Variants in ZC3H11A observed in about 807,000 individuals in gnomAD.
ZC3H11A encodes zinc finger CCCH domain-containing protein 11A.
A neutral mutation model predicts 90.8 loss-of-function variants in ZC3H11A; 22 were observed. The ratio of observed to expected loss-of-function variants is 0.24; its 90% CI spans 0.17 to 0.35. The LOEUF (loss-of-function observed/expected upper bound fraction) is 0.35, where lower values mean the gene tolerates loss of function less well. ZC3H11A is among the 10% of genes least tolerant of loss of function. The probability of loss-of-function intolerance (pLI) is 1.00; values close to 1 mark genes in which losing one functional copy is unlikely to be tolerated. For synonymous variants in ZC3H11A, 294 were observed against 339.8 expected (o/e 0.87, Z 1.48); for missense variants, 701 against 964.9 (o/e 0.73, Z 3.62).
rs561294240 is a variant in ZC3H11A, at chr1:203,814,349, C to G, written c.-145-2577C>G. 3.9e-5 allele frequency among the ~76,000 whole-genome samples: 6 copies of G among 152,282 alleles called. No individual in the cohort carries two copies. The East Asian group carries it at 9.6e-4, about 24-fold the overall frequency. On this transcript the variant is annotated intron_variant, in intron 2 of 17. Transcript: ENST00000367210. ...GACCAGCCTGGCCAACATGGCGAAA[C>G]CCTGTCTCTACTAAAAATACAAAAA...
chr1:203,809,175 T>TTG (rs1673431156), intron 2 of ZC3H11A, among the ~76,000 whole-genome samples: 1 of 136,368 alleles, frequency 7.3e-6, no homozygotes, highest in Non-Finnish European at 1.6e-5. Context: ...TCTCACTGTT[T>TTG]TTTTTTTTTT....
At chr1:203,799,829 G>C (rs1669971849) in intron 1 of ZC3H11A, 1 of 1,496,894 alleles carries the variant, frequency 6.7e-7, no homozygotes, top group Non-Finnish European at 9.0e-7. Context: ...TGGCTACTTT[G>C]TTAGATCCTT....
chr1:203,814,919 T>A (rs1675758863), intron 2 of ZC3H11A: 1 of 151,870 alleles, frequency 6.6e-6, no homozygotes, highest in Non-Finnish European at 1.5e-5. Flanking sequence ...AACCTCCACC[T>A]CCCGGGTTCA....
rs1304583379 is a variant in ZC3H11A at position 203,833,813 on chromosome 1, G to T, written c.834G>T (p.Leu278Phe). Residue 278 changes from leucine (L) to phenylalanine (F), a missense_variant, in exon 10 of 18, where the codon TTG becomes TTT. Physicochemically the swap from Leu to Phe is conservative, Grantham distance 22. Coordinates refer to ENST00000367210, the MANE Select transcript of ZC3H11A (RefSeq NM_001376342.1). ...CAGGAGAAGAACCCTTGGTTAGATT[G>T]AGTCTTACTGAGAGACTGGGGAAAC... ...TKQGEEPLVR[L>F]SLTERLGKRK... 1 of 1,609,384 alleles carries T rather than the reference G, an allele frequency of 6.2e-7. No homozygotes were observed. Among genetic ancestry groups the T allele is most frequent in the Non-Finnish European group, 8.5e-7 (1 of 1,178,418 alleles).
Position 203,831,755 on chromosome 1 carries a change from T to A in ZC3H11A, c.795T>A (p.Thr265=). 6.2e-7 allele frequency: 1 copy of A among 1,612,066 alleles called. No individual in the cohort carries two copies. ...ENVRTVVRTV[T]LSTKQGEEPL... ...TCAGGACTGTGGTGAGGACAGTAAC[T>A]CTCTCCACCAAACAAGGTAAGGTAT... The change falls in exon 9 of 18, where the codon ACT becomes ACA. Residue 265 remains threonine (T), a synonymous_variant. Transcript: ENST00000367210.
Position 203,830,129 on chromosome 1 carries a change from G to A in ZC3H11A, c.626G>A (p.Cys209Tyr). 6.3e-7 allele frequency: 1 copy of A among 1,592,064 alleles called. No individual in the cohort carries two copies. The highest frequency in any genetic ancestry group is 8.5e-7 in the Non-Finnish European group (1 of 1,172,804). Residue 209 changes from cysteine to tyrosine, a missense_variant, in exon 8 of 18, where the codon TGT (cysteine) becomes TAT (tyrosine). By Grantham distance (194) the Cys-to-Tyr change is radical (BLOSUM62 -2). Transcript: ENST00000367210. ...KPAVNIKQGE[C>Y]LNFGIKTLEE... is the part of the protein sequence containing the mutation. ...TTTCTATTTGAATTTTCAGGTGAAT[G>A]TTTGAATTTTGGAATAAAAACTCTT... is the stretch of plus-strand genomic sequence containing the variant.
rs926629558 is a variant in ZC3H11A at position 203,816,988 on chromosome 1, C to T, written c.-83C>T. On this transcript the variant is annotated 5_prime_UTR_variant, in exon 3 of 18. It adds an upstream start codon to the 5' untranslated region. Transcript: ENST00000367210. Reference sequence around the variant, plus strand: ...CATTTGGAAGATTAAACCCATTTCACGAGGACTTGGAGCCTGGTCCTTGCT... The same window carrying T: ...CATTTGGAAGATTAAACCCATTTCATGAGGACTTGGAGCCTGGTCCTTGCT... 4.7e-5 allele frequency: 44 copies of T among 926,830 alleles called. No individual in the cohort carries two copies. The highest frequency in any genetic ancestry group is 3.4e-4 in the Middle Eastern group (1 of 2,942). 57.4% of individuals were successfully genotyped at this position (926,830 alleles called of 1,614,324 possible).
intron 9 of ZC3H11A, among the ~76,000 whole-genome samples, chr1:203,833,140 C>A (rs879424445): frequency 6.6e-6 from 1 of 152,046 alleles, no homozygotes; most frequent in African/African-American, 2.4e-5. Context: ...GAGGCCGAGG[C>A]GGGCAGATCA....
intron 4 of ZC3H11A, among the ~76,000 whole-genome samples, chr1:203,823,838 T>G (rs1256173090): frequency 6.6e-6 from 1 of 152,218 alleles, no homozygotes; most frequent in East Asian, 1.9e-4. Flanking sequence ...AAAATAAGGT[T>G]TTACTACATT....
At chr1:203,834,206 C>T in intron 10 of ZC3H11A, 1 of 446,474 alleles carries the variant, frequency 2.2e-6, no homozygotes, top group Non-Finnish European at 3.0e-6. Flanking sequence ...TACAGGAATC[C>T]CTAAGAAGAA....
rs568338128 is a variant in ZC3H11A, at chr1:203,833,856, A to G, written c.874+3A>G. 1.4e-5 allele frequency: 22 copies of G among 1,608,642 alleles called. No homozygotes were observed. The highest frequency in any genetic ancestry group is 1.9e-5 in the Non-Finnish European group (22 of 1,177,714). On this transcript the variant is annotated splice_donor_region_variant and intron_variant, in intron 10 of 17. Transcript: ENST00000367210. ...GGGGAAACGAAAATTTTCAGCAGGT[A>G]AGATAAGTTTTGTGTATATCTTTTC...
At chr1:203,809,172 G>GTTTTTT (rs33926996) in intron 2 of ZC3H11A, among the ~76,000 whole-genome samples, 27 of 83,260 alleles carry the variant, frequency 3.2e-4, no homozygotes, top group East Asian at 2.0e-3. Context: ...TCTTCTCACT[G>GTTTTTT]TTTTTTTTTT....
chr1:203,803,904 C>T (rs1671301651), intron 2 of ZC3H11A, among the ~76,000 whole-genome samples: 1 of 152,152 alleles, frequency 6.6e-6, no homozygotes, highest in African/African-American at 2.4e-5. Flanking sequence ...CATGCCTGGC[C>T]TCCCATTCCT....
chr1:203,842,238 C>G (rs555827791), intron 12 of ZC3H11A, among the ~76,000 whole-genome samples: 2 of 151,936 alleles, frequency 1.3e-5, no homozygotes, highest in Non-Finnish European at 2.9e-5. Flanking sequence ...CTTTGGGAGG[C>G]AAGGCAGGCG....
chr1:203,818,436 G>C, intron 3 of ZC3H11A, 134 bp from the exon 4 acceptor site: 2 of 1,169,852 alleles, frequency 1.7e-6, no homozygotes, highest in Admixed American at 4.9e-5. Context: ...GTCATTCCAT[G>C]TCCATTGTTT....
At chr1:203,844,165 T>C (rs1353657183) in intron 12 of ZC3H11A, among the ~76,000 whole-genome samples, 2 of 149,674 alleles carry the variant, frequency 1.3e-5, no homozygotes, top group Non-Finnish European at 3.0e-5. Context: ...CTTTATTTTT[T>C]ATTTTTATTT....
chr1:203,810,608 A>G (rs1290724411), intron 2 of ZC3H11A, among the ~76,000 whole-genome samples: 1 of 151,608 alleles, frequency 6.6e-6, no homozygotes, highest in Non-Finnish European at 1.5e-5. Flanking sequence ...TTTAGTAGAG[A>G]TGGGGTTTCA....
chr1:203,846,382 C>T (rs558309449), intron 12 of ZC3H11A, among the ~76,000 whole-genome samples: 1 of 152,220 alleles, frequency 6.6e-6, no homozygotes, highest in Middle Eastern at 3.4e-3. Context: ...CAGTGGCATG[C>T]CAATTTCTGG....
intron 1 of ZC3H11A, chr1:203,798,033 A>G (rs1669218429): frequency 3.3e-6 from 5 of 1,534,294 alleles, no homozygotes; most frequent in East Asian, 2.4e-5. Flanking sequence ...TGGTACATCT[A>G]CTCTTCAACG....
Sources: gnomAD v4.1 joint callset for allele counts (sites outside exome capture counted in the v4.1 genomes callset) on GRCh38, gnomAD v4.1.1 for gene constraint, MANE v1.5 for transcripts, NCBI Gene and HGNC (gene_info 2026-07-23, HGNC 2026-07-21) for gene names.